Variants in FSHR observed in about 807,000 individuals in gnomAD.
FSHR encodes the protein follicle stimulating hormone receptor, also known as follicle-stimulating hormone receptor.
FSHR carries 46 observed loss-of-function variants against 52.1 expected under a neutral mutation model. That is an observed-to-expected ratio of 0.88 (90% CI 0.70 to 1.13). The LOEUF (loss-of-function observed/expected upper bound fraction) is 1.13. Ranked by LOEUF, FSHR falls within the 50% of genes most tolerant of loss-of-function variation. The pLI, the probability that FSHR is intolerant of heterozygous loss-of-function variation, is 0.00. For synonymous variants in FSHR, 399 were observed against 309.6 expected, an observed-to-expected ratio of 1.29 and a Z score of -3.03; for missense variants, 964 against 834.6, an observed-to-expected ratio of 1.16 and a Z score of -1.91.
chr2:49,121,332 C>CCT (rs1299319246), intron 1 of FSHR, among the ~76,000 whole-genome samples: 1 of 152,160 alleles, frequency 6.6e-6, no homozygotes, highest in Non-Finnish European at 1.5e-5. Flanking sequence ...AAAATAATAA[C>CCT]CTCTATTTTC....
chr2:49,128,146 G>T (rs573895021), intron 1 of FSHR, among the ~76,000 whole-genome samples: 1 of 151,736 alleles, frequency 6.6e-6, no homozygotes, highest in Non-Finnish European at 1.5e-5. Context: ...CCTCCCAAGT[G>T]CTAGGATTGC....
At chr2:49,056,676 A>G (rs1669079166) in intron 2 of FSHR, among the ~76,000 whole-genome samples, 1 of 151,972 alleles carries the variant, frequency 6.6e-6, no homozygotes, top group Non-Finnish European at 1.5e-5. Flanking sequence ...CACTTACAGA[A>G]CATTTCATCC....
At chr2:49,028,053 G>C (rs1667969956) in intron 2 of FSHR, among the ~76,000 whole-genome samples, 1 of 152,070 alleles carries the variant, frequency 6.6e-6, no homozygotes. Context: ...AAGGCATGTT[G>C]ATCAGGTCGT....
chr2:48,989,410 A>G (rs1010370486), intron 5 of FSHR, among the ~76,000 whole-genome samples: 1 of 151,632 alleles, frequency 6.6e-6, no homozygotes, highest in African/African-American at 2.4e-5. Context: ...AGCCTCCAGA[A>G]TAGCTGGGAC....
intron 2 of FSHR, among the ~76,000 whole-genome samples, chr2:49,043,403 C>A (rs957777284): frequency 1.3e-5 from 2 of 152,218 alleles, no homozygotes; most frequent in Middle Eastern, 3.4e-3. Context: ...TTTACATGTA[C>A]CCTGATTTGA....
chr2:49,109,316 G>A (rs752913009), intron 1 of FSHR, among the ~76,000 whole-genome samples: 3 of 152,084 alleles, frequency 2.0e-5, no homozygotes, highest in Non-Finnish European at 4.4e-5. Flanking sequence ...TTGGTGTGAA[G>A]AGCTGCCTTT....
chr2:49,095,536 T>C (rs976540518), intron 1 of FSHR, among the ~76,000 whole-genome samples: 4 of 152,162 alleles, frequency 2.6e-5, no homozygotes, highest in African/African-American at 7.2e-5. Context: ...GAAGAAAATA[T>C]GAAAGTAAAT....
intron 1 of FSHR, among the ~76,000 whole-genome samples, chr2:49,091,904 A>G (rs1180634283): frequency 6.6e-6 from 1 of 152,202 alleles, no homozygotes; most frequent in Non-Finnish European, 1.5e-5. Flanking sequence ...GCTAATCTGT[A>G]TCTACAAAAA....
At chr2:48,969,702 G>C (rs1459148743) in intron 8 of FSHR, among the ~76,000 whole-genome samples, 1 of 152,206 alleles carries the variant, frequency 6.6e-6, no homozygotes, top group East Asian at 1.9e-4. Flanking sequence ...AGTTGTTCTT[G>C]TTTGGTAGGA....
chr2:49,099,527 C>G (rs1035091433), intron 1 of FSHR, among the ~76,000 whole-genome samples: 4 of 152,050 alleles, frequency 2.6e-5, no homozygotes, highest in Non-Finnish European at 5.9e-5. Context: ...GTGAACATGA[C>G]CTTATTTGAA....
At chr2:49,008,497 G>A (rs904715365) in intron 4 of FSHR, among the ~76,000 whole-genome samples, 6 of 152,056 alleles carry the variant, frequency 3.9e-5, no homozygotes, top group Non-Finnish European at 8.8e-5. Flanking sequence ...ACGTGTGCAT[G>A]TGTCTTAATA....
intron 6 of FSHR, among the ~76,000 whole-genome samples, chr2:48,984,470 T>G (rs1213107925): frequency 1.3e-5 from 2 of 152,118 alleles, no homozygotes; most frequent in Non-Finnish European, 2.9e-5. Context: ...GATAGTAAAG[T>G]TTAGGTTTTA....
chr2:49,008,317 G>A lies in FSHR; in HGVS notation c.374+9172C>T, dbSNP rs368861816. On this transcript the variant is annotated intron_variant, in intron 4 of 9. Transcript: ENST00000406846. ...TTGCGATAGTTTACTGAGAATGATG[G>A]TTTCCAATTTCATACATGTCCCTAC... Among the ~76,000 whole-genome samples, 7 of 139,930 alleles carry A rather than the reference G, an allele frequency of 5.0e-5. No homozygotes were observed. In the South Asian group the frequency reaches 7.3e-4, roughly 15 times the overall value. The allele number at this position is 139,930 out of a possible 152,430, so 91.8% of individuals were successfully genotyped here.
At chr2:49,027,335 G>A (rs749492124) in intron 2 of FSHR, among the ~76,000 whole-genome samples, 3 of 152,134 alleles carry the variant, frequency 2.0e-5, no homozygotes, top group Non-Finnish European at 2.9e-5. Context: ...TGAATAAAGT[G>A]TACCAATTAT....
rs560788968 is a variant in FSHR at position 49,133,201 on chromosome 2, C to T, written c.152+21065G>A. Among the ~76,000 whole-genome samples the T allele has an allele frequency of 4.7e-4, 72 of 152,246 alleles. No individual in the cohort carries two copies. In the South Asian group the frequency reaches 0.015, roughly 32 times the overall value. The stretch of plus-strand genomic sequence containing the variant: ...AGCTGCCCGTTGCTGAGGCTAAGTC[C>T]TGTGCAACAGCATTTAACAGGTTGG... On this transcript the variant is annotated intron_variant, in intron 1 of 9. Coordinates refer to ENST00000406846, the MANE Select transcript of FSHR (RefSeq NM_000145.4).
chr2:49,076,242 G>A (rs1248481334), intron 1 of FSHR, among the ~76,000 whole-genome samples: 1 of 152,142 alleles, frequency 6.6e-6, no homozygotes, highest in African/African-American at 2.4e-5. Context: ...AATTACAAAA[G>A]AAAGAGGTTT....
intron 9 of FSHR, among the ~76,000 whole-genome samples, chr2:48,967,290 G>C (rs760397901): frequency 6.6e-6 from 1 of 152,038 alleles, no homozygotes; most frequent in Non-Finnish European, 1.5e-5. Context: ...GTAGAGACGA[G>C]GTCCCACCAT....
intron 1 of FSHR, among the ~76,000 whole-genome samples, chr2:49,135,325 C>T (rs1270800046): frequency 1.3e-5 from 2 of 151,780 alleles, no homozygotes; most frequent in African/African-American, 4.8e-5. Flanking sequence ...AATTTGGGAA[C>T]TCACAAATAT....
At chr2:49,140,082 T>C (rs1572799714) in intron 1 of FSHR, among the ~76,000 whole-genome samples, 1 of 152,230 alleles carries the variant, frequency 6.6e-6, no homozygotes, top group South Asian at 2.1e-4. Flanking sequence ...TAGGGCAGCT[T>C]TGGCCTAAAT....
Sources: allele counts gnomAD v4.1 joint callset (sites outside exome capture counted in the v4.1 genomes callset), GRCh38; gene constraint gnomAD v4.1.1; transcripts MANE v1.5; gene names NCBI Gene and HGNC (gene_info 2026-07-23, HGNC 2026-07-21).